NDFIP2: variants seen among roughly 807,000 people sequenced by gnomAD.
NDFIP2 encodes NEDD4 family-interacting protein 2.
NDFIP2 carries 19 observed loss-of-function variants against 36.0 expected under a neutral mutation model. The observed-to-expected ratio is 0.53, with a 90% CI of 0.37 to 0.77. NDFIP2 has a LOEUF of 0.77. Ranked by LOEUF, NDFIP2 falls within the 30% of genes least tolerant of loss-of-function variation. NDFIP2 has a pLI of 0.00. For missense variants in NDFIP2, 446 were observed against 435.8 expected (o/e 1.02, Z -0.21); for synonymous variants, 181 against 167.7 (o/e 1.08, Z -0.61).
chr13:79,494,914 T>G (rs928485983), intron 1 of NDFIP2, among the ~76,000 whole-genome samples: 1 of 151,972 alleles, frequency 6.6e-6, no homozygotes, highest in African/African-American at 2.4e-5. Context: ...AGTTGTGATT[T>G]TCTGTCAATT....
At chr13:79,518,927 GC>G (rs1339574977) in intron 1 of NDFIP2, 1 of 152,218 alleles carries the variant, frequency 6.6e-6, no homozygotes, top group Non-Finnish European at 1.5e-5. Flanking sequence ...TCCCACCTCA[GC>G]CTCCTTAGTA....
chr13:79,552,395 C>T (rs1280615437), intron 7 of NDFIP2, 121 bp from the exon 8 acceptor site: 1 of 151,496 alleles, frequency 6.6e-6, no homozygotes, highest in East Asian at 1.9e-4. Context: ...GATATGTAGA[C>T]TTTAATGAAG....
intron 1 of NDFIP2, among the ~76,000 whole-genome samples, chr13:79,482,868 C>T (rs924386132): frequency 1.3e-5 from 2 of 152,248 alleles, no homozygotes; most frequent in African/African-American, 4.8e-5. Flanking sequence ...GTATGGAAAG[C>T]GTTTTTCAAG....
chr13:79,542,151 AT>A (rs1202553354), intron 4 of NDFIP2, among the ~76,000 whole-genome samples: 1 of 152,226 alleles, frequency 6.6e-6, no homozygotes, highest in Non-Finnish European at 1.5e-5. Flanking sequence ...ATGACCTTAA[AT>A]TTTAGTACTT....
At chr13:79,499,648 A>G (rs1337343692) in intron 1 of NDFIP2, among the ~76,000 whole-genome samples, 2 of 151,974 alleles carry the variant, frequency 1.3e-5, no homozygotes, top group African/African-American at 4.8e-5. Context: ...CAAAAGAAAT[A>G]CTTAAGTATA....
chr13:79,549,856 A>T (rs1247302013), intron 6 of NDFIP2, among the ~76,000 whole-genome samples: 2 of 151,936 alleles, frequency 1.3e-5, no homozygotes, highest in East Asian at 3.9e-4. Context: ...AAAAGGAGGG[A>T]GTTAGGATAT....
chr13:79,525,220 C>T (rs919444197), intron 2 of NDFIP2, among the ~76,000 whole-genome samples: 1 of 152,208 alleles, frequency 6.6e-6, no homozygotes, highest in Non-Finnish European at 1.5e-5. Flanking sequence ...ACATTGCCAT[C>T]AGTCGGAACA....
intron 1 of NDFIP2, among the ~76,000 whole-genome samples, chr13:79,503,463 A>C (rs921962523): frequency 2.6e-5 from 4 of 152,150 alleles, no homozygotes; most frequent in African/African-American, 9.7e-5. Context: ...ATAGAAGGTA[A>C]AATCAGGTAG....
At chr13:79,551,406 C>T (rs1426277607) in intron 7 of NDFIP2, among the ~76,000 whole-genome samples, 1 of 151,124 alleles carries the variant, frequency 6.6e-6, no homozygotes, top group Non-Finnish European at 1.5e-5. Flanking sequence ...TAAAGATTAA[C>T]CATAGAATGT....
intron 1 of NDFIP2, among the ~76,000 whole-genome samples, chr13:79,506,303 T>C (rs1486910479): frequency 6.6e-6 from 1 of 152,186 alleles, no homozygotes; most frequent in Non-Finnish European, 1.5e-5. Context: ...TGGAATAATA[T>C]ATGATTCTCA....
chr13:79,509,686 T>TAGAG (rs145822478), intron 1 of NDFIP2, among the ~76,000 whole-genome samples: 66 of 110,878 alleles, frequency 6.0e-4, no homozygotes, highest in African/African-American at 1.4e-3. Context: ...GATATATATA[T>TAGAG]ATATAGAGAG....
intron 1 of NDFIP2, among the ~76,000 whole-genome samples, chr13:79,485,239 T>C (rs1035954288): frequency 2.0e-5 from 3 of 152,100 alleles, no homozygotes; most frequent in African/African-American, 4.8e-5. Context: ...AGCAAATATC[T>C]TAGCAAACAA....
At chr13:79,495,589 A>G (rs978742989) in intron 1 of NDFIP2, among the ~76,000 whole-genome samples, 1 of 151,860 alleles carries the variant, frequency 6.6e-6, no homozygotes, top group African/African-American at 2.4e-5. Context: ...TTTTCTGTTT[A>G]CTTTCAACCT....
chr13:79,487,278 A>G (rs186904022), intron 1 of NDFIP2, among the ~76,000 whole-genome samples: 15 of 152,276 alleles, frequency 9.9e-5, no homozygotes, highest in African/African-American at 3.6e-4. Flanking sequence ...ATCATACAGC[A>G]TGTAGTCTAC....
intron 2 of NDFIP2, among the ~76,000 whole-genome samples, chr13:79,531,522 G>A (rs1875015648): frequency 6.6e-6 from 1 of 152,198 alleles, no homozygotes; most frequent in Non-Finnish European, 1.5e-5. Flanking sequence ...CTGTTGTTTA[G>A]CATAGCCACC....
At chr13:79,533,300 T>A (rs1875089703) in intron 2 of NDFIP2, 23 bp from the exon 3 acceptor site, 1 of 1,587,386 alleles carries the variant, frequency 6.3e-7, no homozygotes, top group East Asian at 2.2e-5. Context: ...TTATTGGTTA[T>A]TCTTTTTGAA....
At chr13:79,542,054 G>T (rs1875475161) in intron 4 of NDFIP2, among the ~76,000 whole-genome samples, 1 of 152,076 alleles carries the variant, frequency 6.6e-6, no homozygotes, top group Non-Finnish European at 1.5e-5. Flanking sequence ...TTATTTTTAA[G>T]AAATTTTCTA....
At chr13:79,483,645 G>A (rs2079827855) in intron 1 of NDFIP2, among the ~76,000 whole-genome samples, 1 of 152,168 alleles carries the variant, frequency 6.6e-6, no homozygotes, top group South Asian at 2.1e-4. Context: ...CTTACTTAAA[G>A]AGTTTAAAAA....
At chr13:79,490,687 A>G (rs1338842138) in intron 1 of NDFIP2, among the ~76,000 whole-genome samples, 1 of 152,162 alleles carries the variant, frequency 6.6e-6, no homozygotes. Context: ...CCCAATGTAG[A>G]TGTTATAGGA....
Sources: allele counts gnomAD v4.1 joint callset (sites outside exome capture counted in the v4.1 genomes callset), GRCh38; gene constraint gnomAD v4.1.1; transcripts MANE v1.5; gene names NCBI Gene and HGNC (gene_info 2026-07-23, HGNC 2026-07-21).